Variants in MYH7B observed in about 807,000 individuals in gnomAD.
MYH7B encodes the protein myosin heavy chain 7B.
In MYH7B, 205 loss-of-function variants were observed where a neutral mutation model predicts 234.5. The observed-to-expected ratio is 0.87, with a 90% CI of 0.78 to 0.98. MYH7B has a LOEUF of 0.98. Ranked by LOEUF, MYH7B falls within the 50% of genes least tolerant of loss-of-function variation. The probability of loss-of-function intolerance (pLI) is 0.00; values close to 1 mark genes in which losing one functional copy is unlikely to be tolerated. For missense variants in MYH7B, 2,652 were observed against 2,633.4 expected, an observed-to-expected ratio of 1.01 and a Z score of -0.15; for synonymous variants, 1,193 against 1,105.0, an observed-to-expected ratio of 1.08 and a Z score of -1.58.
At chr20:34,976,076 A>C (rs2081850872) in intron 3 of MYH7B, among the ~76,000 whole-genome samples, 1 of 152,090 alleles carries the variant, frequency 6.6e-6, no homozygotes, top group African/African-American at 2.4e-5. Context: ...TACATCTTAG[A>C]TGTACAGCTT....
rs1205971202 is a variant in MYH7B, at chr20:34,997,657, C to A, written c.3747+17C>A. The A allele has an allele frequency of 1.2e-6, 2 of 1,612,246 alleles. No individual in the cohort carries two copies. The highest frequency in any genetic ancestry group is 1.7e-6 in the Non-Finnish European group (2 of 1,179,214). On this transcript the variant is annotated intron_variant, in intron 32 of 44. Transcript: ENST00000262873. ...CGCGCCAAGGTGTCCGTGCCTTCCT[C>A]ACCCCATACCCACCCTGACTTTAAA... is the stretch of plus-strand genomic sequence containing the variant.
chr20:34,974,610 T>G (rs946763118), intron 2 of MYH7B, among the ~76,000 whole-genome samples: 1 of 152,146 alleles, frequency 6.6e-6, no homozygotes, highest in Non-Finnish European at 1.5e-5. Context: ...AGGTGTAAGT[T>G]AGACTTGCTA....
intron 2 of MYH7B, among the ~76,000 whole-genome samples, chr20:34,965,449 A>G (rs765647082): frequency 1.3e-5 from 2 of 152,244 alleles, no homozygotes; most frequent in Non-Finnish European, 2.9e-5. Context: ...GATGGTTCTC[A>G]AAAGCAGAAG....
rs201854198 is a variant in MYH7B, at chr20:34,999,938, C to G, written c.4781+32C>G. ...CCATCCTTCTCCCGTCCCCACCTCCCGAGAGCAGAAGGGGAGGGAAGCAGT... is the reference window on the plus strand; with the variant it reads ...CCATCCTTCTCCCGTCCCCACCTCCGGAGAGCAGAAGGGGAGGGAAGCAGT... On this transcript the variant is annotated intron_variant, in intron 38 of 44. Coordinates refer to ENST00000262873, the Ensembl canonical transcript of MYH7B. The G allele has an allele frequency of 1.3e-5, 21 of 1,582,566 alleles. No individual in the cohort carries two copies. In the African/African-American group the frequency reaches 2.6e-4, roughly 19 times the overall value.
At position 34,995,432 on chromosome 20, in the gene MYH7B, CTGGAGGATGAGGAGGAGGT is replaced by C; in HGVS notation, c.2798_2816del (p.Leu933ArgfsTer28). On this transcript the variant is annotated frameshift_variant, in exon 28 of 45. Transcript: ENST00000262873. LOFTEE classifies it high-confidence loss of function. ...GAAGGTGAAGGAGCTGAGTGAGCGGCTGGAGGATGAGGAGGAGGTGAACGCTGACCTGGCCGCCCGCCGG... is the reference window on the plus strand; with the variant it reads ...GAAGGTGAAGGAGCTGAGTGAGCGGCGAACGCTGACCTGGCCGCCCGCCGG... 6.2e-7 allele frequency: 1 copy of C among 1,613,778 alleles called. No homozygotes were observed. Among genetic ancestry groups the C allele is most frequent in the Non-Finnish European group, 8.5e-7 (1 of 1,179,868 alleles).
At chr20:34,988,684 C>T (rs899349799) in intron 19 of MYH7B, among the ~76,000 whole-genome samples, 1 of 152,024 alleles carries the variant, frequency 6.6e-6, no homozygotes, top group African/African-American at 2.4e-5. Flanking sequence ...TATATTTACC[C>T]ATTGTACAAA....
At chr20:34,987,882 G>A in exon 18 of MYH7B, 7 of 1,609,774 alleles carry the variant, frequency 4.3e-6, no homozygotes, top group Non-Finnish European at 5.9e-6. Flanking sequence ...CTTCATCGGG[G>A]TTCTGGACAT....
intron 26 of MYH7B, 95 bp from the exon 27 acceptor site, chr20:34,994,051 C>A: frequency 1.3e-6 from 2 of 1,497,756 alleles, no homozygotes; most frequent in Non-Finnish European, 1.8e-6. Context: ...CTCCATGAGG[C>A]TGCTGGGAAG....
chr20:34,980,847 A>C, intron 8 of MYH7B, 113 bp downstream of exon 8: 1 of 1,514,628 alleles, frequency 6.6e-7, no homozygotes, highest in Non-Finnish European at 9.0e-7. Flanking sequence ...ACGCTGCTGG[A>C]CATGGTCGCC....
In MYH7B at chr20:34,990,725, TC is replaced by T. The variant is rs1395142202; in HGVS notation, c.1978-9del. The T allele has an allele frequency of 6.2e-7, 1 of 1,613,778 alleles. No individual in the cohort carries two copies. Among genetic ancestry groups the T allele is most frequent in the Admixed American group, 1.7e-5 (1 of 60,018 alleles). ...CCCCTTTGTGCCTTTCCCTCACTCTTCCCCACTGCCAGGAGAACCTCAACAA... is the reference window on the plus strand; with the variant it reads ...CCCCTTTGTGCCTTTCCCTCACTCTTCCCACTGCCAGGAGAACCTCAACAA... On this transcript the variant is annotated splice_polypyrimidine_tract_variant and intron_variant, in intron 22 of 44. Coordinates refer to ENST00000262873, the Ensembl canonical transcript of MYH7B.
chr20:34,968,712 C>G (rs1600408424), intron 2 of MYH7B, among the ~76,000 whole-genome samples: 1 of 152,230 alleles, frequency 6.6e-6, no homozygotes, highest in Non-Finnish European at 1.5e-5. Flanking sequence ...GTCCTTTAGC[C>G]CTTCCTGTCT....
chr20:34,996,567 C>A, intron 29 of MYH7B, 45 bp downstream of exon 29: 2 of 1,600,946 alleles, frequency 1.2e-6, no homozygotes, highest in Non-Finnish European at 1.7e-6. Flanking sequence ...GCCGGGGTGC[C>A]GGCTGGCTTG....
intron 14 of MYH7B, among the ~76,000 whole-genome samples, chr20:34,986,654 G>GC (rs2082029201): frequency 6.6e-6 from 1 of 152,324 alleles, no homozygotes; most frequent in African/African-American, 2.4e-5. Flanking sequence ...ACCAGAAAAA[G>GC]AAGCCAGGGT....
intron 24 of MYH7B, among the ~76,000 whole-genome samples, chr20:34,991,514 T>C (rs1202006244): frequency 3.3e-5 from 5 of 152,162 alleles, no homozygotes; most frequent in African/African-American, 1.2e-4. Context: ...TTGAGCTCTG[T>C]TTTGCGTGTA....
intron 27 of MYH7B, 38 bp downstream of exon 27, chr20:34,994,439 C>A: frequency 1.3e-6 from 2 of 1,531,524 alleles, no homozygotes; most frequent in Admixed American, 4.1e-5. Context: ...GCGTCCCCAG[C>A]CCCGAGTACC....
rs142688747 is a variant in MYH7B, at chr20:34,959,246, T to C, written c.-222+1034T>C. Reference sequence around the variant, plus strand: ...GGATCTCAGATCAAGACACATAGGATTGGGGAACTTGCCCAGGGTCTTTTT... The same window carrying C: ...GGATCTCAGATCAAGACACATAGGACTGGGGAACTTGCCCAGGGTCTTTTT... On this transcript the variant is annotated intron_variant, in intron 2 of 44. Coordinates refer to ENST00000262873, the Ensembl canonical transcript of MYH7B. Among the ~76,000 whole-genome samples the C allele has an allele frequency of 6.2e-4, 95 of 152,224 alleles. 1 individual carries two copies. The East Asian group carries it at 0.015, about 25-fold the overall frequency.
intron 30 of MYH7B, 152 bp from the exon 31 acceptor site, chr20:34,996,931 C>T: frequency 7.9e-7 from 1 of 1,260,322 alleles, no homozygotes; most frequent in Non-Finnish European, 1.1e-6. Context: ...GGGCCCTAGC[C>T]AGGGTCCAGG....
At chr20:34,985,128 C>T (rs2081997742) in exon 13 of MYH7B, 1 of 1,613,924 alleles carries the variant, frequency 6.2e-7, no homozygotes, top group South Asian at 1.1e-5. Context: ...ATATTGACAG[C>T]TGTGAGTCAA....
chr20:34,996,973 C>A, intron 30 of MYH7B, 110 bp from the exon 31 acceptor site: 1 of 985,758 alleles, frequency 1.0e-6, no homozygotes, highest in Non-Finnish European at 1.4e-6. Flanking sequence ...GCAGCAGGTG[C>A]ATGGGGTGAG....
Sources: gnomAD v4.1 joint callset for allele counts (sites outside exome capture counted in the v4.1 genomes callset) on GRCh38, gnomAD v4.1.1 for gene constraint, MANE v1.5 for transcripts, NCBI Gene and HGNC (gene_info 2026-07-23, HGNC 2026-07-21) for gene names.